The following ARRDC4 variants were observed in gnomAD, a reference collection of about 807,000 sequenced individuals.
ARRDC4 encodes arrestin domain containing 4.
A neutral mutation model predicts 44.6 loss-of-function variants in ARRDC4; 40 were observed. The ratio of observed to expected loss-of-function variants is 0.90; its 90% CI spans 0.70 to 1.17. The LOEUF is 1.17. ARRDC4 is among the 50% of genes most tolerant of loss of function. The probability of loss-of-function intolerance (pLI) is 0.00; values close to 1 mark genes in which losing one functional copy is unlikely to be tolerated. For missense variants in ARRDC4, 550 were observed against 559.1 expected (o/e 0.98, Z 0.16); for synonymous variants, 211 against 221.2 (o/e 0.95, Z 0.41).
In ARRDC4 at chr15:97,970,819, A is replaced by T. The variant is rs1047690666; in HGVS notation, c.1200+76A>T. On this transcript the variant is annotated intron_variant, in intron 7 of 7. Coordinates refer to ENST00000268042, the MANE Select transcript of ARRDC4 (RefSeq NM_183376.3). This position sits in a 1 kb window ranked among gnomAD's most constrained non-coding sequence, Gnocchi z 4.2. ...TCATTTTTTGTCATCCGTTCATTAG[A>T]GTGTCTGTTGCTGACTCATAATTAG... The T allele has an allele frequency of 1.0e-5, 15 of 1,495,166 alleles. No homozygotes were observed. In the African/African-American group the frequency reaches 1.7e-4, roughly 17 times the overall value. The allele number at this position is 1,495,166 out of a possible 1,614,324, so 92.6% of individuals were successfully genotyped here.
At position 97,972,850 on chromosome 15, in the gene ARRDC4, G is replaced by A. The variant is rs1899538475; in HGVS notation, c.*1663G>A. 1 of 152,602 alleles carries A rather than the reference G, an allele frequency of 6.6e-6. No homozygotes were observed. The highest frequency in any genetic ancestry group is 2.4e-5 in the African/African-American group (1 of 41,446). The allele number at this position is 152,602 out of a possible 1,614,324, so 9.5% of individuals were successfully genotyped here. ...AATTTTCTACACACATTAGGCAAATGTATGCTTTTCATCCTCTGGGCTTAC... is the reference window on the plus strand; with the variant it reads ...AATTTTCTACACACATTAGGCAAATATATGCTTTTCATCCTCTGGGCTTAC... On this transcript the variant is annotated 3_prime_UTR_variant, in exon 8 of 8. Transcript: ENST00000268042. The surrounding 1 kb of genome is among the most constrained non-coding windows in gnomAD (Gnocchi z 5.3).
At position 97,971,941 on chromosome 15, in the gene ARRDC4, A is replaced by G. The variant is rs1899522692; in HGVS notation, c.*754A>G. 6.6e-6 allele frequency: 1 copy of G among 152,492 alleles called. No individual in the cohort carries two copies. Among genetic ancestry groups the G allele is most frequent in the Admixed American group, 6.5e-5 (1 of 15,272 alleles). 9.4% of individuals were successfully genotyped at this position (152,492 alleles called of 1,614,324 possible). A position where few individuals can be genotyped will look rare whatever the true frequency, so the allele number is the denominator to read the frequency against. On this transcript the variant is annotated 3_prime_UTR_variant, in exon 8 of 8. Coordinates refer to ENST00000268042, the MANE Select transcript of ARRDC4 (RefSeq NM_183376.3). ...CTTTTTACCCCCTTTAAGTGCTTTA[A>G]CAGGATATACGTTTGATTTTCCTCA... is the stretch of plus-strand genomic sequence containing the variant.
At position 97,965,872 on chromosome 15, in the gene ARRDC4, T is replaced by C; in HGVS notation, c.375-23T>C. On this transcript the variant is annotated intron_variant, in intron 2 of 7. Transcript: ENST00000268042. This position sits in a 1 kb window ranked among gnomAD's most constrained non-coding sequence, Gnocchi z 5.1. The stretch of plus-strand genomic sequence containing the variant: ...GTTTAACTGAAAAGTAAACTCATAA[T>C]TAATGTCTTTGGTTGGTTTCAGACC... The C allele has an allele frequency of 6.2e-7, 1 of 1,607,714 alleles. No homozygotes were observed. Among genetic ancestry groups the C allele is most frequent in the South Asian group, 1.1e-5 (1 of 89,494 alleles).
Position 97,965,376 on chromosome 15 carries a change from G to A in ARRDC4, c.308-224G>A, listed in dbSNP as rs891822831. ...TTGAGCCCAGGAGTTCAAGGCCGTA[G>A]CACTCTGGCCTGGGCAATAGAGCGA... On this transcript the variant is annotated intron_variant, in intron 1 of 7. Transcript: ENST00000268042. The surrounding 1 kb of genome is among the most constrained non-coding windows in gnomAD (Gnocchi z 5.1). Among the ~76,000 whole-genome samples the A allele has an allele frequency of 6.6e-6, 1 of 151,906 alleles. No individual in the cohort carries two copies. Among genetic ancestry groups the A allele is most frequent in the African/African-American group, 2.4e-5 (1 of 41,336 alleles).
rs184826082 is a variant in ARRDC4 at position 97,965,734 on chromosome 15, T to C, written c.374+68T>C. 1.6e-3 allele frequency: 2,370 copies of C among 1,510,098 alleles called. 3 individuals carry two copies. The highest frequency in any genetic ancestry group is 2.1e-3 in the Non-Finnish European group (2,231 of 1,085,740). The allele number at this position is 1,510,098 out of a possible 1,614,324, so 93.5% of individuals were successfully genotyped here. On this transcript the variant is annotated intron_variant, in intron 2 of 7. Transcript: ENST00000268042. This position sits in a 1 kb window ranked among gnomAD's most constrained non-coding sequence, Gnocchi z 5.1. ...TATGTCCATTCAAGTTTATCACTGCTAGGTCTCTTCTGATTCTCAAGTATG... is the reference window on the plus strand; with the variant it reads ...TATGTCCATTCAAGTTTATCACTGCCAGGTCTCTTCTGATTCTCAAGTATG...
rs967815447 is a variant in ARRDC4 at position 97,973,165 on chromosome 15, G to A, written c.*1978G>A. The A allele has an allele frequency of 2.0e-5, 3 of 152,248 alleles. No individual in the cohort carries two copies. The highest frequency in any genetic ancestry group is 7.2e-5 in the African/African-American group (3 of 41,432). 9.4% of individuals were successfully genotyped at this position (152,248 alleles called of 1,614,324 possible). ...TTCATGCCCTGCCAAGGCATTGTTC[G>A]ACTCCATGATACTAAAACATAATGA... On this transcript the variant is annotated 3_prime_UTR_variant, in exon 8 of 8. Coordinates refer to ENST00000268042, the MANE Select transcript of ARRDC4 (RefSeq NM_183376.3).
Position 97,971,895 on chromosome 15 carries a change from C to T in ARRDC4, c.*708C>T, listed in dbSNP as rs1340730483. ...GGAAAGATGAATTTCAATGTGAAAA[C>T]ACGTTTTGTTGAGGGCTGTACTTTT... On this transcript the variant is annotated 3_prime_UTR_variant, in exon 8 of 8. Transcript: ENST00000268042. 3.9e-5 allele frequency: 6 copies of T among 152,256 alleles called. No homozygotes were observed. In the East Asian group the frequency reaches 1.2e-3, roughly 29 times the overall value. The allele number at this position is 152,256 out of a possible 1,614,324, so 9.4% of individuals were successfully genotyped here.
At chr15:97,962,035 C>T (rs1196752914) in intron 1 of ARRDC4, among the ~76,000 whole-genome samples, 1 of 152,184 alleles carries the variant, frequency 6.6e-6, no homozygotes, top group Non-Finnish European at 1.5e-5. Context: ...AACCATGAGT[C>T]TTACTCATTT....
chr15:97,961,679 A>G (rs1015731947), intron 1 of ARRDC4, among the ~76,000 whole-genome samples: 1 of 152,194 alleles, frequency 6.6e-6, no homozygotes, highest in Non-Finnish European at 1.5e-5. Flanking sequence ...AGTGTTTTCC[A>G]GACTTGATCA....
rs1472825431 is a variant in ARRDC4, at chr15:97,973,459, A to C, written c.*2272A>C. ...TCATTTTATGAATGTGGAGAATTCT[A>C]CATTGAAACAGAAAATACCTGGGAA... On this transcript the variant is annotated 3_prime_UTR_variant, in exon 8 of 8. Transcript: ENST00000268042. The C allele has an allele frequency of 6.6e-6, 1 of 152,550 alleles. No homozygotes were observed. The highest frequency in any genetic ancestry group is 1.5e-5 in the Non-Finnish European group (1 of 68,030). The allele number at this position is 152,550 out of a possible 1,614,324, so 9.4% of individuals were successfully genotyped here.
Position 97,965,647 on chromosome 15 carries a change from C to A in ARRDC4, c.355C>A (p.Arg119Ser). ...GCCTGGAAAACATGAATTTCCATTT[C>A]GCTTTCAACTTCCATCTGAGTAAGT... ...LQPGKHEFPF[R>S]FQLPSEPLVT... Residue 119 changes from arginine to serine, a missense_variant, in exon 2 of 8, where the codon CGC becomes AGC. Physicochemically the swap from Arg to Ser is moderately radical, Grantham distance 110. Coordinates refer to ENST00000268042, the MANE Select transcript of ARRDC4 (RefSeq NM_183376.3). The surrounding 1 kb of genome is among the most constrained non-coding windows in gnomAD (Gnocchi z 5.1). The A allele has an allele frequency of 6.2e-7, 1 of 1,613,468 alleles. No homozygotes were observed. Among genetic ancestry groups the A allele is most frequent in the East Asian group, 2.2e-5 (1 of 44,846 alleles).
chr15:97,967,553 G>T lies in ARRDC4; in HGVS notation c.523-461G>T, dbSNP rs979969103. ...GATAATGCATTTTGAAGTAAGTGGT[G>T]GGAAAAGGCTGTTTGTTTATTCCAC... On this transcript the variant is annotated intron_variant, in intron 3 of 7. Coordinates refer to ENST00000268042, the MANE Select transcript of ARRDC4 (RefSeq NM_183376.3). This position sits in a 1 kb window ranked among gnomAD's most constrained non-coding sequence, Gnocchi z 5.0. 4.0e-5 allele frequency among the ~76,000 whole-genome samples: 6 copies of T among 151,718 alleles called. No individual in the cohort carries two copies. Among genetic ancestry groups the T allele is most frequent in the African/African-American group, 1.5e-4 (6 of 41,130 alleles).
In ARRDC4 at chr15:97,969,856, C is replaced by CTCT. The variant is rs754993418; in HGVS notation, c.883-26_883-25insCTT. 1,360 of 1,353,248 alleles carry CTCT rather than the reference C, an allele frequency of 1.0e-3. 23 individuals are homozygous for CTCT. The African/African-American group carries it at 0.018, about 18-fold the overall frequency. 83.8% of individuals were successfully genotyped at this position (1,353,248 alleles called of 1,614,324 possible). Reference sequence around the variant, plus strand: ...GTGTAGCTTACATTTGTTCCTTTCTCTTTTTTTTTTTTTTTTGGCTTATTA... The same window carrying CTCT: ...GTGTAGCTTACATTTGTTCCTTTCTCTCTTTTTTTTTTTTTTTTTGGCTTATTA... On this transcript the variant is annotated intron_variant, in intron 5 of 7. Coordinates refer to ENST00000268042, the MANE Select transcript of ARRDC4 (RefSeq NM_183376.3).
rs759370294 is a variant in ARRDC4 at position 97,971,236 on chromosome 15, C to A, written c.*49C>A. 1.3e-6 allele frequency: 2 copies of A among 1,561,038 alleles called. No homozygotes were observed. The highest frequency in any genetic ancestry group is 1.4e-5 in the African/African-American group (1 of 73,728). On this transcript the variant is annotated 3_prime_UTR_variant, in exon 8 of 8. Coordinates refer to ENST00000268042, the MANE Select transcript of ARRDC4 (RefSeq NM_183376.3). Reference sequence around the variant, plus strand: ...TCATCATCAAATTAGAATGTTGGTTCTTTTCCTTCTGCCTTTTTGGGAAAG... The same window carrying A: ...TCATCATCAAATTAGAATGTTGGTTATTTTCCTTCTGCCTTTTTGGGAAAG...
In ARRDC4 at chr15:97,961,096, A is replaced by G. The variant is rs12101554; in HGVS notation, c.235A>G (p.Thr79Ala). Residue 79 changes from threonine (T) to alanine (A), a missense_variant, in exon 1 of 8, where the codon ACC (threonine) becomes GCC (alanine). Coordinates refer to ENST00000268042, the MANE Select transcript of ARRDC4 (RefSeq NM_183376.3). Reference protein sequence around the residue: ...PSTCPRASASTAALAVFSEVE... With the variant: ...PSTCPRASASAAALAVFSEVE... Reference sequence around the variant, plus strand: ...CACCTGCCCCCGCGCCTCGGCCAGCACCGCGGCCCTGGCTGTCTTCTCGGA... The same window carrying G: ...CACCTGCCCCCGCGCCTCGGCCAGCGCCGCGGCCCTGGCTGTCTTCTCGGA... 0.77 allele frequency: 1,108,920 copies of G among 1,440,972 alleles called. 429,135 individuals are homozygous for G. Among genetic ancestry groups the G allele is most frequent in the East Asian group, 0.92 (29,930 of 32,594 alleles). 89.3% of individuals were successfully genotyped at this position (1,440,972 alleles called of 1,614,324 possible). A position where few individuals can be genotyped will look rare whatever the true frequency, so the allele number is the denominator to read the frequency against.
chr15:97,965,840 TGG>T lies in ARRDC4; in HGVS notation c.375-54_375-53del. 5 of 1,586,104 alleles carry T rather than the reference TGG, an allele frequency of 3.2e-6. No homozygotes were observed. In the African/African-American group the frequency reaches 5.4e-5, roughly 17 times the overall value. On this transcript the variant is annotated intron_variant, in intron 2 of 7. Transcript: ENST00000268042. The surrounding 1 kb of genome is among the most constrained non-coding windows in gnomAD (Gnocchi z 5.1). The stretch of plus-strand genomic sequence containing the variant: ...AAAACATTTTAAACCATGCTTTTTT[TGG>T]CTTTGTTTAACTGAAAAGTAAACTC...
In ARRDC4 at chr15:97,965,700, T is replaced by C; in HGVS notation, c.374+34T>C. 6.3e-7 allele frequency: 1 copy of C among 1,584,408 alleles called. No individual in the cohort carries two copies. The highest frequency in any genetic ancestry group is 8.7e-7 in the Non-Finnish European group (1 of 1,153,020). ...AACACTACAATTTTGTGGTTATCCTTCTCTGCAGTATGTCCATTCAAGTTT... is the reference window on the plus strand; with the variant it reads ...AACACTACAATTTTGTGGTTATCCTCCTCTGCAGTATGTCCATTCAAGTTT... On this transcript the variant is annotated intron_variant, in intron 2 of 7. Transcript: ENST00000268042. This position sits in a 1 kb window ranked among gnomAD's most constrained non-coding sequence, Gnocchi z 5.1.
chr15:97,969,856 CTT>C (rs201375946), intron 5 of ARRDC4, 25 bp from the exon 6 acceptor site: 69,891 of 1,283,458 alleles, frequency 0.054, 259 homozygotes, highest in African/African-American at 0.13. Context: ...GTTCCTTTCT[CTT>C]TTTTTTTTTT....
intron 5 of ARRDC4, among the ~76,000 whole-genome samples, 178 bp from the exon 6 acceptor site, chr15:97,969,705 A>C (rs980056813): frequency 1.3e-5 from 2 of 152,192 alleles, no homozygotes; most frequent in African/African-American, 4.8e-5. Context: ...CAGAGCATTC[A>C]CTATGTTTTG....
Sources: gnomAD v4.1 joint callset for allele counts (sites outside exome capture counted in the v4.1 genomes callset) on GRCh38, gnomAD v4.1.1 for gene constraint, Gnocchi (gnomAD v3.1) non-coding constraint, MANE v1.5 for transcripts, NCBI Gene and HGNC (gene_info 2026-07-23, HGNC 2026-07-21) for gene names.